The following NRG1 variants were observed in gnomAD, a reference collection of about 807,000 sequenced individuals.
NRG1 encodes pro-neuregulin-1, membrane-bound isoform.
Under a neutral mutation model 63.8 loss-of-function variants are expected in NRG1, and 18 were observed. The observed-to-expected ratio is 0.28, with a 90% confidence interval of 0.19 to 0.42. The LOEUF (loss-of-function observed/expected upper bound fraction) is 0.42, where lower values mean the gene tolerates loss of function less well. Ranked by LOEUF, NRG1 falls within the 10% of genes least tolerant of loss-of-function variation. The pLI is 1.00. For missense variants in NRG1, 762 were observed against 814.7 expected, an observed-to-expected ratio of 0.94 and a Z score of 0.79; for synonymous variants, 302 against 301.3, an observed-to-expected ratio of 1.00 and a Z score of -0.02.
intron 1 of NRG1, among the ~76,000 whole-genome samples, chr8:32,193,947 A>G (rs770620402): frequency 1.3e-5 from 2 of 152,250 alleles, no homozygotes; most frequent in Non-Finnish European, 2.9e-5. Flanking sequence ...CTGCAGAGGA[A>G]GCAGCCCTGT....
chr8:31,977,699 A>G (rs904849749), intron 1 of NRG1, among the ~76,000 whole-genome samples: 1 of 152,190 alleles, frequency 6.6e-6, no homozygotes, highest in Non-Finnish European at 1.5e-5. Context: ...AGCAATTATA[A>G]TAATGGAAAA....
At chr8:32,724,807 C>T (rs1054249796) in intron 5 of NRG1, among the ~76,000 whole-genome samples, 1 of 152,078 alleles carries the variant, frequency 6.6e-6, no homozygotes, top group Non-Finnish European at 1.5e-5. Context: ...CATAATAATC[C>T]ATAACTGTAT....
intron 1 of NRG1, among the ~76,000 whole-genome samples, chr8:32,337,764 T>G (rs934430081): frequency 1.3e-5 from 2 of 148,934 alleles, no homozygotes; most frequent in African/African-American, 5.0e-5. Flanking sequence ...AGGCCAAGCC[T>G]GCATATCCCT....
At chr8:32,139,702 C>T (rs1417736027) in intron 1 of NRG1, among the ~76,000 whole-genome samples, 1 of 152,044 alleles carries the variant, frequency 6.6e-6, no homozygotes, top group Non-Finnish European at 1.5e-5. Context: ...TCTCAGAAGC[C>T]ACCACTAAAG....
intron 5 of NRG1, among the ~76,000 whole-genome samples, chr8:32,646,546 A>AC (rs1019952872): frequency 2.0e-5 from 3 of 150,966 alleles, no homozygotes; most frequent in Non-Finnish European, 4.4e-5. Context: ...CACCTACACC[A>AC]CCCCCCACCC....
At chr8:32,090,249 T>C (rs1209531955) in intron 1 of NRG1, among the ~76,000 whole-genome samples, 1 of 152,218 alleles carries the variant, frequency 6.6e-6, no homozygotes, top group Non-Finnish European at 1.5e-5. Flanking sequence ...CAGTATTCTG[T>C]GCAAATCTTA....
chr8:32,241,825 C>T (rs914578432), intron 1 of NRG1, among the ~76,000 whole-genome samples: 2 of 151,480 alleles, frequency 1.3e-5, no homozygotes, highest in South Asian at 4.2e-4. Context: ...GTGGTGCAAT[C>T]GTAGCTCACT....
chr8:32,428,298 C>T (rs191758796), intron 1 of NRG1, among the ~76,000 whole-genome samples: 2 of 152,242 alleles, frequency 1.3e-5, no homozygotes, highest in African/African-American at 4.8e-5. Flanking sequence ...ATAAAATTCA[C>T]CTCTCCATAA....
intron 1 of NRG1, among the ~76,000 whole-genome samples, chr8:31,646,249 C>T (rs1168193179): frequency 6.6e-6 from 1 of 152,196 alleles, no homozygotes; most frequent in Non-Finnish European, 1.5e-5. Context: ...AACAAGAAAA[C>T]AGCTCTGAGT....
chr8:31,979,737 T>C (rs1808778839), intron 1 of NRG1, among the ~76,000 whole-genome samples: 1 of 152,122 alleles, frequency 6.6e-6, no homozygotes, highest in African/African-American at 2.4e-5. Flanking sequence ...TTTGGCATAC[T>C]GTTAATAATG....
rs545431073 is a variant in NRG1 at position 32,303,755 on chromosome 8, T to C, written c.38-292073T>C. On this transcript the variant is annotated intron_variant, in intron 1 of 10. Transcript: ENST00000519301. ...CATACTATTTTAAATTCAGTTAATA[T>C]TTAGCCTACATTTCTAGCATTTGTC... Among the ~76,000 whole-genome samples the C allele has an allele frequency of 2.6e-5, 4 of 152,320 alleles. No homozygotes were observed. The South Asian group carries it at 8.3e-4, about 32-fold the overall frequency.
At chr8:32,531,193 A>G (rs1831421793) in intron 1 of NRG1, among the ~76,000 whole-genome samples, 1 of 152,164 alleles carries the variant, frequency 6.6e-6, no homozygotes, top group African/African-American at 2.4e-5. Flanking sequence ...TCCATGATTT[A>G]GTGGAAATGA....
intron 1 of NRG1, among the ~76,000 whole-genome samples, chr8:31,983,480 A>G (rs757916154): frequency 6.6e-6 from 1 of 152,024 alleles, no homozygotes; most frequent in Non-Finnish European, 1.5e-5. Context: ...CCCAGGTTCA[A>G]GTGATCCTCC....
intron 1 of NRG1, among the ~76,000 whole-genome samples, chr8:32,354,917 A>T (rs936651321): frequency 8.6e-5 from 13 of 151,726 alleles, no homozygotes; most frequent in Non-Finnish European, 4.4e-5. Context: ...TATTACAGAA[A>T]ATGGCAAATC....
intron 1 of NRG1, among the ~76,000 whole-genome samples, chr8:31,987,555 A>G (rs1810302339): frequency 6.6e-6 from 1 of 151,996 alleles, no homozygotes; most frequent in African/African-American, 2.4e-5. Flanking sequence ...ATGCATGTAC[A>G]CAAAGAAGAG....
intron 1 of NRG1, among the ~76,000 whole-genome samples, chr8:31,663,788 G>C (rs1806246792): frequency 6.6e-6 from 1 of 152,010 alleles, no homozygotes; most frequent in African/African-American, 2.4e-5. Flanking sequence ...TCTGTGGTTA[G>C]TTTTTTTCTC....
intron 1 of NRG1, among the ~76,000 whole-genome samples, chr8:31,875,819 A>G (rs73671940): frequency 0.15 from 22,865 of 152,180 alleles, 2,041 homozygotes; most frequent in Non-Finnish European, 0.19. Flanking sequence ...TGTCCCTACA[A>G]GGAAATTCCC....
chr8:32,648,236 A>C, intron 5 of NRG1: 1 of 1,614,108 alleles, frequency 6.2e-7, no homozygotes, highest in Non-Finnish European at 8.5e-7. Context: ...CGGCACCGAC[A>C]CCGAAGAATC....
Position 32,089,585 on chromosome 8 carries a change from C to G in NRG1, c.37+450154C>G, listed in dbSNP as rs202025198. On this transcript the variant is annotated intron_variant, in intron 1 of 10. Transcript: ENST00000519301. ...ATAACTTTGAATTCACACTAAAATCCTCTGTAGCAACATAAAGATAGAAAA... is the reference window on the plus strand; with the variant it reads ...ATAACTTTGAATTCACACTAAAATCGTCTGTAGCAACATAAAGATAGAAAA... Among the ~76,000 whole-genome samples the G allele has an allele frequency of 5.3e-5, 8 of 152,012 alleles. No individual in the cohort carries two copies. In the East Asian group the frequency reaches 1.5e-3, roughly 29 times the overall value.
Sources: gnomAD v4.1 joint callset for allele counts (sites outside exome capture counted in the v4.1 genomes callset) on GRCh38, gnomAD v4.1.1 for gene constraint, MANE v1.5 for transcripts, NCBI Gene and HGNC (gene_info 2026-07-23, HGNC 2026-07-21) for gene names.